Variants in FIGNL2 observed in about 807,000 individuals in gnomAD.
FIGNL2 encodes the protein fidgetin like 2.
For synonymous variants in FIGNL2, 565 were observed against 484.0 expected (o/e 1.17, Z -2.20); for missense variants, 1,060 against 950.2 (o/e 1.12, Z -1.52).
intron 1 of FIGNL2, chr12:51,847,619 C>A (rs1939779993): frequency 3.0e-6 from 3 of 985,316 alleles, no homozygotes. Context: ...AGGGTCCAGG[C>A]CGCGCGCTCT....
chr12:51,843,046 G>A (rs1565948646), intron 1 of FIGNL2, among the ~76,000 whole-genome samples: 2 of 152,108 alleles, frequency 1.3e-5, no homozygotes, highest in Non-Finnish European at 2.9e-5. Context: ...GGCTCTCCCT[G>A]GCCATGTGGG....
At position 51,820,846 on chromosome 12, in the gene FIGNL2, C is replaced by G. The variant is rs1284866961; in HGVS notation, c.1568G>C (p.Gly523Ala). 2.7e-6 allele frequency: 4 copies of G among 1,455,502 alleles called. No individual in the cohort carries two copies. The allele number at this position is 1,455,502 out of a possible 1,614,324, so 90.2% of individuals were successfully genotyped here. ...AACCAGCACGCCGTCAGCCCCCGCG[C>G]CGCAGCCCCCGTCCAGGCAGGCCAG... ...PLLACLDGGC[G>A]AGADGVLVVG... Residue 523 changes from glycine to alanine, a missense_variant, in exon 2 of 2, where the codon GGC (glycine) becomes GCC (alanine). Physicochemically the swap from Gly to Ala is moderately conservative, Grantham distance 60 (BLOSUM62 0). Transcript: ENST00000618634.
chr12:51,847,598 C>T (rs1939779333), intron 1 of FIGNL2: 1 of 985,318 alleles, frequency 1.0e-6, no homozygotes. Context: ...CTCCGGGCCG[C>T]CGCTGGGCGC....
chr12:51,837,443 G>A (rs1388163465), intron 1 of FIGNL2, among the ~76,000 whole-genome samples: 1 of 152,182 alleles, frequency 6.6e-6, no homozygotes, highest in Non-Finnish European at 1.5e-5. Context: ...CCTGTGACCT[G>A]GCTGCCTTGG....
At chr12:51,840,398 C>T (rs1939641206) in intron 1 of FIGNL2, among the ~76,000 whole-genome samples, 1 of 152,218 alleles carries the variant, frequency 6.6e-6, no homozygotes, top group Non-Finnish European at 1.5e-5. Context: ...CTCAAAAATA[C>T]TTCCTCAATG....
rs1939077875 is a variant in FIGNL2 at position 51,817,921 on chromosome 12, G to C, written c.*2531C>G. 1 of 152,404 alleles carries C rather than the reference G, an allele frequency of 6.6e-6. No individual in the cohort carries two copies. The highest frequency in any genetic ancestry group is 6.6e-5 in the Admixed American group (1 of 15,260). The allele number at this position is 152,404 out of a possible 1,614,324, so 9.4% of individuals were successfully genotyped here. A position where few individuals can be genotyped will look rare whatever the true frequency, so the allele number is the denominator to read the frequency against. On this transcript the variant is annotated 3_prime_UTR_variant, in exon 2 of 2. Transcript: ENST00000618634. ...AACCACATGTCATCGCTTTAATACT[G>C]TGTAATACTTTCTTTTAAAATACAG... is the stretch of plus-strand genomic sequence containing the variant.
intron 1 of FIGNL2, among the ~76,000 whole-genome samples, chr12:51,831,578 A>T (rs770392844): frequency 1.3e-5 from 2 of 152,184 alleles, no homozygotes; most frequent in African/African-American, 4.8e-5. Context: ...CACACCCCTG[A>T]GCGGGGCATG....
At position 51,822,816 on chromosome 12, in the gene FIGNL2, A is replaced by C. The variant is rs76518816; in HGVS notation, c.-11-392T>G. ...CCAGCCCTCGGAATAGTCAAACTCA[A>C]GTGAAGCTCGCTCAGTAAGAGATGT... On this transcript the variant is annotated intron_variant, in intron 1 of 1. Coordinates refer to ENST00000618634, the MANE Select transcript of FIGNL2 (RefSeq NM_001384995.1). 1.0e-3 allele frequency among the ~76,000 whole-genome samples: 152 copies of C among 152,322 alleles called. 2 individuals are homozygous for C. The East Asian group carries it at 0.023, about 23-fold the overall frequency.
At chr12:51,843,913 A>AT (rs878906013) in intron 1 of FIGNL2, among the ~76,000 whole-genome samples, 2,298 of 146,050 alleles carry the variant, frequency 0.016, 48 homozygotes, top group African/African-American at 0.053. Context: ...CGCCTCTACA[A>AT]TTTTTTTTTT....
rs1366040611 is a variant in FIGNL2, at chr12:51,822,374, A to ACTGGTTGAGGGG, written c.28_39dup (p.Pro10_Gln13dup). 6.2e-7 allele frequency: 1 copy of ACTGGTTGAGGGG among 1,613,678 alleles called. No individual in the cohort carries two copies. The highest frequency in any genetic ancestry group is 8.5e-7 in the Non-Finnish European group (1 of 1,179,806). On this transcript the variant is annotated inframe_insertion, in exon 2 of 2. Coordinates refer to ENST00000618634, the MANE Select transcript of FIGNL2 (RefSeq NM_001384995.1). ...GAGACGTCCAGGTGCTGCTCTGGCC[A>ACTGGTTGAGGGG]CTGGTTGAGGGGCTGGGCGTGTTCT...
intron 1 of FIGNL2, chr12:51,845,726 A>G (rs1592197270): frequency 1.1e-6 from 1 of 939,614 alleles, no homozygotes; most frequent in Non-Finnish European, 1.3e-6. Context: ...CGGCAGGGGG[A>G]GGGGAAGGCA....
chr12:51,821,377 T>A lies in FIGNL2; in HGVS notation c.1037A>T (p.Glu346Val). Residue 346 changes from glutamate (E) to valine (V), a missense_variant, in exon 2 of 2, where the codon GAA (glutamate) becomes GTA (valine). Coordinates refer to ENST00000618634, the MANE Select transcript of FIGNL2 (RefSeq NM_001384995.1). ...AGCCGGGGCCCGCTCCGGGAACTTT[T>A]CAAAGGGCTCCAGTTGCGGGCCGTA... The part of the protein sequence containing the change: ...PVYGPQLEPF[E>V]KFPERAPAPR... 1 of 1,509,946 alleles carries A rather than the reference T, an allele frequency of 6.6e-7. No individual in the cohort carries two copies. The highest frequency in any genetic ancestry group is 8.8e-7 in the Non-Finnish European group (1 of 1,131,958). The allele number at this position is 1,509,946 out of a possible 1,614,324, so 93.5% of individuals were successfully genotyped here. A position where few individuals can be genotyped will look rare whatever the true frequency, so the allele number is the denominator to read the frequency against.
At position 51,820,274 on chromosome 12, in the gene FIGNL2, G is replaced by A. The variant is rs994893412; in HGVS notation, c.*178C>T. The A allele has an allele frequency of 1.4e-4, 112 of 813,650 alleles. No homozygotes were observed. The highest frequency in any genetic ancestry group is 1.5e-4 in the Non-Finnish European group (79 of 540,032). The allele number at this position is 813,650 out of a possible 1,614,324, so 50.4% of individuals were successfully genotyped here. The stretch of plus-strand genomic sequence containing the variant: ...TACACGGCGCATATGGCATCTGCCT[G>A]GCAGAAGCATTTTCCTTCCCACGAA... On this transcript the variant is annotated 3_prime_UTR_variant, in exon 2 of 2. Coordinates refer to ENST00000618634, the MANE Select transcript of FIGNL2 (RefSeq NM_001384995.1).
intron 1 of FIGNL2, among the ~76,000 whole-genome samples, chr12:51,834,141 A>ATGGATGGATGGG (rs1231510972): frequency 1.6e-4 from 24 of 151,926 alleles, no homozygotes; most frequent in African/African-American, 5.6e-4. Context: ...GGATGGATGG[A>ATGGATGGATGGG]TGATCCTAGA....
At chr12:51,832,008 T>TTTTAA (rs1421513122) in intron 1 of FIGNL2, 1 of 152,104 alleles carries the variant, frequency 6.6e-6, no homozygotes, top group African/African-American at 2.4e-5. Context: ...CCTAGCTAAT[T>TTTTAA]TTTAATTTAA....
intron 1 of FIGNL2, among the ~76,000 whole-genome samples, chr12:51,824,708 G>C (rs1219286526): frequency 6.6e-6 from 1 of 152,190 alleles, no homozygotes; most frequent in Non-Finnish European, 1.5e-5. Flanking sequence ...TGGAACATCA[G>C]AAATCACAAA....
rs1042334664 is a variant in FIGNL2 at position 51,821,789 on chromosome 12, C to A, written c.625G>T (p.Gly209Cys). 352 of 1,277,072 alleles carry A rather than the reference C, an allele frequency of 2.8e-4. 1 individual carries two copies. The highest frequency in any genetic ancestry group is 2.3e-4 in the Non-Finnish European group (235 of 1,017,810). 79.1% of individuals were successfully genotyped at this position (1,277,072 alleles called of 1,614,324 possible). ...CCATAGCCGGGCTGCGCTGCGTAGC[C>A]CCCTGCGGGATAGTTGTACAGCGGC... ...SAPLYNYPAG[G>C]YAAQPGYGAL... The change falls in exon 2 of 2, where the codon GGC becomes TGC. Residue 209 changes from glycine (G) to cysteine (C), a missense_variant. Coordinates refer to ENST00000618634, the MANE Select transcript of FIGNL2 (RefSeq NM_001384995.1).
intron 1 of FIGNL2, among the ~76,000 whole-genome samples, chr12:51,823,291 A>G (rs572509997): frequency 1.3e-5 from 2 of 152,364 alleles, no homozygotes; most frequent in South Asian, 2.1e-4. Context: ...AACAATGCAC[A>G]TCATAGGATG....
chr12:51,822,132 C>G lies in FIGNL2; in HGVS notation c.282G>C (p.Gly94=). The change falls in exon 2 of 2, where the codon GGG becomes GGC. Residue 94 remains glycine (G), a synonymous_variant. Transcript: ENST00000618634. ...SDASFLNGAK[G]DPEPWPGPEP... ...CCGGCCCTGGCCAGGGCTCGGGATC[C>G]CCTTTGGCGCCGTTGAGGAAGGAGG... 4 of 1,611,046 alleles carry G rather than the reference C, an allele frequency of 2.5e-6. No homozygotes were observed. Among genetic ancestry groups the G allele is most frequent in the Non-Finnish European group, 3.4e-6 (4 of 1,178,816 alleles).
Sources: allele counts gnomAD v4.1 joint callset (sites outside exome capture counted in the v4.1 genomes callset), GRCh38; gene constraint gnomAD v4.1.1; transcripts MANE v1.5; gene names NCBI Gene and HGNC (gene_info 2026-07-23, HGNC 2026-07-21).